DPP10: variants seen among roughly 807,000 people sequenced by gnomAD.
DPP10 encodes the protein dipeptidyl peptidase like 10.
DPP10 carries 33 observed loss-of-function variants against 120.9 expected under a neutral mutation model. That is an observed-to-expected ratio of 0.27 (90% confidence interval 0.21 to 0.37). The LOEUF is 0.37. Ranked by LOEUF, DPP10 falls within the 10% of genes least tolerant of loss-of-function variation. The probability of loss-of-function intolerance (pLI) is 1.00; values close to 1 mark genes in which losing one functional copy is unlikely to be tolerated. For synonymous variants in DPP10, 337 were observed against 326.1 expected (o/e 1.03, Z -0.36); for missense variants, 816 against 942.8 (o/e 0.87, Z 1.76).
chr2:115,448,449 A>G (rs2072815845), intron 3 of DPP10, among the ~76,000 whole-genome samples: 1 of 152,182 alleles, frequency 6.6e-6, no homozygotes, highest in South Asian at 2.1e-4. Flanking sequence ...CTAAAGCTAA[A>G]GCCAAGTGAG....
chr2:115,753,050 A>T, intron 10 of DPP10, 124 bp from the exon 11 acceptor site: 1 of 743,788 alleles, frequency 1.3e-6, no homozygotes, highest in Non-Finnish European at 2.0e-6. Context: ...TACATAAATT[A>T]ATATGTAGCA....
At chr2:115,244,491 G>A (rs1223565397) in intron 1 of DPP10, among the ~76,000 whole-genome samples, 1 of 151,758 alleles carries the variant, frequency 6.6e-6, no homozygotes, top group Non-Finnish European at 1.5e-5. Flanking sequence ...ACAGAGCTTT[G>A]TCTGTGGTAA....
intron 5 of DPP10, among the ~76,000 whole-genome samples, chr2:115,601,478 G>A (rs1341240992): frequency 6.6e-6 from 1 of 152,092 alleles, no homozygotes; most frequent in Non-Finnish European, 1.5e-5. Context: ...ACCTGATTCT[G>A]TAACGTAGAT....
intron 1 of DPP10, among the ~76,000 whole-genome samples, chr2:115,056,438 G>A (rs4848373): frequency 0.35 from 53,519 of 151,922 alleles, 9,848 homozygotes; most frequent in South Asian, 0.52. Flanking sequence ...GAGTGCAATG[G>A]CACCATCATA....
chr2:115,081,176 G>C (rs150102183), intron 1 of DPP10, among the ~76,000 whole-genome samples: 94 of 152,256 alleles, frequency 6.2e-4, no homozygotes, highest in African/African-American at 2.1e-3. Context: ...TTCAGATCTA[G>C]AAAATTGTCA....
chr2:115,257,299 G>A (rs2059044815), intron 1 of DPP10, among the ~76,000 whole-genome samples: 1 of 152,082 alleles, frequency 6.6e-6, no homozygotes, highest in South Asian at 2.1e-4. Context: ...TTCTCGTGTT[G>A]CTGTAAAGAA....
In DPP10 at chr2:115,474,121, TGCAATG is replaced by T. The variant is rs535546721; in HGVS notation, c.272-25377_272-25372del. 3.2e-4 allele frequency among the ~76,000 whole-genome samples: 48 copies of T among 152,318 alleles called. 1 individual carries two copies. The East Asian group carries it at 7.5e-3, about 24-fold the overall frequency. On this transcript the variant is annotated intron_variant, in intron 3 of 25. Transcript: ENST00000410059. ...CATTGTGATCTCAGGTAGATTGTTT[TGCAATG>T]GCAATGGCAATTATGAACACACACT...
At chr2:114,584,935 G>A (rs1465090213) in intron 1 of DPP10, among the ~76,000 whole-genome samples, 1 of 152,168 alleles carries the variant, frequency 6.6e-6, no homozygotes, top group Admixed American at 6.5e-5. Context: ...AAGCCCATCA[G>A]GATCCAGGTT....
intron 1 of DPP10, among the ~76,000 whole-genome samples, chr2:115,052,778 C>G (rs1705602060): frequency 6.6e-6 from 1 of 151,946 alleles, no homozygotes; most frequent in Non-Finnish European, 1.5e-5. Flanking sequence ...ATGGCGAAAC[C>G]CCGTCTCTAC....
At chr2:114,844,026 T>C (rs533489306) in intron 1 of DPP10, among the ~76,000 whole-genome samples, 6 of 152,336 alleles carry the variant, frequency 3.9e-5, no homozygotes, top group East Asian at 3.9e-4. Flanking sequence ...TAGTTTACAC[T>C]GTGCCTTCTC....
intron 1 of DPP10, among the ~76,000 whole-genome samples, chr2:115,180,068 A>C (rs745309506): frequency 1.4e-4 from 21 of 152,142 alleles, no homozygotes; most frequent in Non-Finnish European, 2.5e-4. Flanking sequence ...GTAGCTGCTA[A>C]TCTTTTAACA....
chr2:114,950,294 T>G (rs1008711221), intron 1 of DPP10, among the ~76,000 whole-genome samples: 16 of 138,282 alleles, frequency 1.2e-4, no homozygotes, highest in Non-Finnish European at 1.6e-5. Flanking sequence ...ACACCTTGCT[T>G]TTTTTTTTTT....
At chr2:115,747,947 A>G (rs970041706) in intron 10 of DPP10, among the ~76,000 whole-genome samples, 3 of 152,154 alleles carry the variant, frequency 2.0e-5, no homozygotes, top group African/African-American at 7.2e-5. Flanking sequence ...AAAGTTTGCA[A>G]TGGGAATCAA....
In DPP10 at chr2:115,286,503, T is replaced by TATATATTATATA. The variant is rs1491303092; in HGVS notation, c.61-22736_61-22735insATATATTATATA. Among the ~76,000 whole-genome samples, 2 of 33,452 alleles carry TATATATTATATA rather than the reference T, an allele frequency of 6.0e-5. 1 individual carries two copies. Among genetic ancestry groups the TATATATTATATA allele is most frequent in the Non-Finnish European group, 1.5e-4 (2 of 12,994 alleles). 21.9% of individuals were successfully genotyped at this position (33,452 alleles called of 152,430 possible). A position where few individuals can be genotyped will look rare whatever the true frequency, so the allele number is the denominator to read the frequency against. On this transcript the variant is annotated intron_variant, in intron 1 of 25. Transcript: ENST00000410059. ...GTAATATATATATAATATATATATATTACATATATAATATATATATATAAT... is the reference window on the plus strand; with the variant it reads ...GTAATATATATATAATATATATATATATATATTATATATACATATATAATATATATATATAAT...
intron 5 of DPP10, among the ~76,000 whole-genome samples, chr2:115,652,362 A>T (rs746490920): frequency 7.9e-5 from 12 of 151,516 alleles, no homozygotes; most frequent in Non-Finnish European, 1.5e-4. Flanking sequence ...TTATTTCTTC[A>T]TGTATTAGTC....
intron 1 of DPP10, among the ~76,000 whole-genome samples, chr2:114,682,939 C>A (rs2105720612): frequency 6.6e-6 from 1 of 152,008 alleles, no homozygotes; most frequent in East Asian, 1.9e-4. Flanking sequence ...GTGGTGAAAT[C>A]ATGTGCACTC....
intron 2 of DPP10, among the ~76,000 whole-genome samples, chr2:115,324,752 T>C (rs1247946507): frequency 6.6e-6 from 1 of 152,214 alleles, no homozygotes; most frequent in East Asian, 1.9e-4. Flanking sequence ...GCAAGAGGCT[T>C]AGCTTTCAGC....
chr2:115,642,195 T>G (rs2086839094), intron 5 of DPP10, among the ~76,000 whole-genome samples: 1 of 152,148 alleles, frequency 6.6e-6, no homozygotes, highest in Non-Finnish European at 1.5e-5. Flanking sequence ...CAATATAATA[T>G]TTAACTTAAA....
chr2:115,203,040 A>G (rs1040263900), intron 1 of DPP10, among the ~76,000 whole-genome samples: 5 of 152,230 alleles, frequency 3.3e-5, no homozygotes, highest in African/African-American at 1.2e-4. Context: ...AAATTTCAAT[A>G]TATGGCCAAC....
Sources: gnomAD v4.1 joint callset for allele counts (sites outside exome capture counted in the v4.1 genomes callset) on GRCh38, gnomAD v4.1.1 for gene constraint, MANE v1.5 for transcripts, NCBI Gene and HGNC (gene_info 2026-07-23, HGNC 2026-07-21) for gene names.